The following CLVS1 variants were observed in gnomAD, a reference collection of about 807,000 sequenced individuals.
The protein encoded by CLVS1 is clavesin-1.
Under a neutral mutation model 33.1 loss-of-function variants are expected in CLVS1, and 10 were observed. That is an observed-to-expected ratio of 0.30 (90% CI 0.19 to 0.51). CLVS1 has a LOEUF of 0.51. Ranked by LOEUF, CLVS1 falls within the 20% of genes least tolerant of loss-of-function variation. The probability of loss-of-function intolerance (pLI) is 0.97; values close to 1 mark genes in which losing one functional copy is unlikely to be tolerated. For synonymous variants in CLVS1, 163 were observed against 166.1 expected, an observed-to-expected ratio of 0.98 and a Z score of 0.14; for missense variants, 343 against 433.4, an observed-to-expected ratio of 0.79 and a Z score of 1.85.
intron 2 of CLVS1, chr8:61,264,916 G>T (rs1025618506): frequency 6.6e-6 from 1 of 152,226 alleles, no homozygotes; most frequent in Non-Finnish European, 1.5e-5. Context: ...CAGCTAGCCC[G>T]TGATTCTAGC....
At chr8:61,414,440 T>C (rs572232447) in intron 3 of CLVS1, among the ~76,000 whole-genome samples, 1 of 152,242 alleles carries the variant, frequency 6.6e-6, no homozygotes, top group South Asian at 2.1e-4. Context: ...ATTCTTTTTT[T>C]CTACTTATAT....
At chr8:61,396,567 T>TAA (rs1173535574) in intron 3 of CLVS1, among the ~76,000 whole-genome samples, 3 of 152,212 alleles carry the variant, frequency 2.0e-5, no homozygotes, top group Non-Finnish European at 4.4e-5. Flanking sequence ...GACACTGATG[T>TAA]AAAGTGCACA....
At chr8:61,272,533 G>A (rs371966272) in intron 2 of CLVS1, among the ~76,000 whole-genome samples, 36 of 152,194 alleles carry the variant, frequency 2.4e-4, no homozygotes, top group East Asian at 1.4e-3. Context: ...GAATCTGAAC[G>A]TTGGCCTGCC....
chr8:61,384,235 G>GC (rs1813996100), intron 3 of CLVS1, among the ~76,000 whole-genome samples: 1 of 152,134 alleles, frequency 6.6e-6, no homozygotes, highest in Admixed American at 6.5e-5. Context: ...GAGCTTGTTT[G>GC]CCCCTGCACC....
rs550735916 is a variant in CLVS1, at chr8:61,077,175, G to A, written c.-243+19945G>A. On this transcript the variant is annotated intron_variant, in intron 1 of 2. Transcript: ENST00000522621. ...TGCAAGCTCCGCCTCCAGAGTTCACGCCATTCTCCTGCCTCAGCCTCCCGA... is the reference window on the plus strand; with the variant it reads ...TGCAAGCTCCGCCTCCAGAGTTCACACCATTCTCCTGCCTCAGCCTCCCGA... Among the ~76,000 whole-genome samples, 32 of 151,840 alleles carry A rather than the reference G, an allele frequency of 2.1e-4. No homozygotes were observed. The South Asian group carries it at 6.0e-3, about 29-fold the overall frequency.
intron 3 of CLVS1, among the ~76,000 whole-genome samples, chr8:61,382,301 A>G (rs1447047320): frequency 6.6e-6 from 1 of 152,238 alleles, no homozygotes; most frequent in Non-Finnish European, 1.5e-5. Flanking sequence ...TACATCAGAT[A>G]TGCAGACATC....
At chr8:61,256,776 T>C (rs1367400264) in intron 2 of CLVS1, among the ~76,000 whole-genome samples, 2 of 152,208 alleles carry the variant, frequency 1.3e-5, no homozygotes, top group African/African-American at 4.8e-5. Flanking sequence ...CTTATGAGAA[T>C]TGTGAGGTGA....
chr8:61,245,307 C>G lies in CLVS1; in HGVS notation c.-151-54370C>G, dbSNP rs192260003. On this transcript the variant is annotated intron_variant, in intron 2 of 2. Transcript: ENST00000522621. ...AAACAATTCCCCTGCCTCAGCCTCC[C>G]GAGTAGCTGGGAACATAGGCATGCG... is the stretch of plus-strand genomic sequence containing the variant. Among the ~76,000 whole-genome samples, 10 of 152,188 alleles carry G rather than the reference C, an allele frequency of 6.6e-5. No individual in the cohort carries two copies. The Middle Eastern group carries it at 0.01, about 155-fold the overall frequency.
chr8:61,235,411 T>C (rs1009384250), intron 2 of CLVS1, among the ~76,000 whole-genome samples: 5 of 152,228 alleles, frequency 3.3e-5, no homozygotes, highest in African/African-American at 1.2e-4. Flanking sequence ...TACCTAGTAC[T>C]GTGCTATTAT....
the CLVS1 span, among the ~76,000 whole-genome samples, chr8:60,970,021 C>T: frequency 2.3e-4 from 35 of 152,196 alleles, no homozygotes; most frequent in South Asian, 2.1e-4. Flanking sequence ...TCGCCTCCCC[C>T]GATACGTCAA....
chr8:61,401,112 A>G (rs1814732024), intron 3 of CLVS1, among the ~76,000 whole-genome samples: 1 of 151,556 alleles, frequency 6.6e-6, no homozygotes, highest in South Asian at 2.1e-4. Flanking sequence ...TGATTTTTGT[A>G]TACTAATATT....
chr8:61,033,328 C>T, the CLVS1 span, among the ~76,000 whole-genome samples: 1 of 45,390 alleles, frequency 2.2e-5, no homozygotes, highest in Non-Finnish European at 6.8e-5. Flanking sequence ...TGTCTTTCCC[C>T]TCCTCCTGGG....
intron 2 of CLVS1, among the ~76,000 whole-genome samples, chr8:61,340,241 T>C (rs953453845): frequency 2.0e-5 from 3 of 152,222 alleles, no homozygotes; most frequent in Admixed American, 6.5e-5. Context: ...AATTTTCAAG[T>C]ATACAATACA....
intron 1 of CLVS1, among the ~76,000 whole-genome samples, chr8:61,291,353 T>G (rs1345528170): frequency 6.6e-6 from 1 of 152,222 alleles, no homozygotes; most frequent in African/African-American, 2.4e-5. Context: ...GTTTCTAGGA[T>G]GCTTGTAGCC....
intron 3 of CLVS1, among the ~76,000 whole-genome samples, chr8:61,392,134 G>A (rs1302087464): frequency 2.0e-5 from 3 of 152,104 alleles, no homozygotes; most frequent in Admixed American, 6.5e-5. Flanking sequence ...AGCTGTCCTA[G>A]CCTGGGCAAG....
chr8:61,012,020 C>T, the CLVS1 span, among the ~76,000 whole-genome samples: 1 of 152,204 alleles, frequency 6.6e-6, no homozygotes, highest in Non-Finnish European at 1.5e-5. Flanking sequence ...CAAGGCACAC[C>T]TTTTAGCCAA....
intron 5 of CLVS1, among the ~76,000 whole-genome samples, chr8:61,476,246 G>C (rs1817924400): frequency 6.6e-6 from 1 of 152,164 alleles, no homozygotes; most frequent in African/African-American, 2.4e-5. Flanking sequence ...CTCCAACTTT[G>C]TTCTTTTGGC....
chr8:60,992,791 A>T, the CLVS1 span, among the ~76,000 whole-genome samples: 1 of 152,238 alleles, frequency 6.6e-6, no homozygotes, highest in Non-Finnish European at 1.5e-5. Context: ...CAAATTAAGA[A>T]GAGCAAGACA....
chr8:61,384,342 T>C (rs1204404454), intron 3 of CLVS1, among the ~76,000 whole-genome samples: 2 of 152,144 alleles, frequency 1.3e-5, no homozygotes, highest in Admixed American at 6.5e-5. Context: ...ATGGGATTAA[T>C]TTGGTGGCTA....
Sources: gnomAD v4.1 joint callset for allele counts (sites outside exome capture counted in the v4.1 genomes callset) on GRCh38, gnomAD v4.1.1 for gene constraint, MANE v1.5 for transcripts, NCBI Gene and HGNC (gene_info 2026-07-23, HGNC 2026-07-21) for gene names.